Variants in PXT1 observed in about 807,000 individuals in gnomAD.
PXT1 encodes peroxisomal testis enriched protein 1, also known as peroxisomal testis-specific protein 1.
Under a neutral mutation model 11.0 loss-of-function variants are expected in PXT1, and 11 were observed. The ratio of observed to expected loss-of-function variants is 1.00; its 90% CI spans 0.63 to 1.66. The LOEUF (loss-of-function observed/expected upper bound fraction) is 1.66. Ranked by LOEUF, PXT1 falls within the 40% of genes most tolerant of loss-of-function variation. PXT1 has a pLI of 0.00. For synonymous variants in PXT1, 43 were observed against 51.4 expected, an observed-to-expected ratio of 0.84 and a Z score of 0.70; for missense variants, 141 against 155.5, an observed-to-expected ratio of 0.91 and a Z score of 0.49.
At chr6:36,404,112 T>G (rs1774253900) in intron 3 of PXT1, among the ~76,000 whole-genome samples, 1 of 152,114 alleles carries the variant, frequency 6.6e-6, no homozygotes, top group Non-Finnish European at 1.5e-5. Flanking sequence ...CAGAAATGAC[T>G]GAGAAGAAAT....
intron 2 of PXT1, among the ~76,000 whole-genome samples, chr6:36,438,000 A>G (rs571759883): frequency 6.6e-6 from 1 of 151,088 alleles, no homozygotes; most frequent in South Asian, 2.1e-4. Flanking sequence ...TTGTATTTTT[A>G]GTAGAGACGG....
At chr6:36,426,788 AG>A (rs1037061012) in intron 2 of PXT1, among the ~76,000 whole-genome samples, 3 of 151,798 alleles carry the variant, frequency 2.0e-5, no homozygotes, top group Non-Finnish European at 4.4e-5. Context: ...AGAGGCGGAG[AG>A]GGGTGGAGAT....
At chr6:36,422,059 AAAC>A (rs549160546) in intron 3 of PXT1, among the ~76,000 whole-genome samples, 111 of 152,344 alleles carry the variant, frequency 7.3e-4, no homozygotes, top group Middle Eastern at 3.4e-3. Flanking sequence ...TTCTTATACA[AAAC>A]AACAGAGATA....
At chr6:36,434,728 T>A (rs1247269058) in intron 2 of PXT1, among the ~76,000 whole-genome samples, 3 of 152,314 alleles carry the variant, frequency 2.0e-5, no homozygotes, top group East Asian at 3.9e-4. Flanking sequence ...CTTAAGTACT[T>A]GAGAAGGTTT....
chr6:36,424,513 G>A (rs1323574272), intron 3 of PXT1, among the ~76,000 whole-genome samples: 5 of 151,994 alleles, frequency 3.3e-5, no homozygotes, highest in East Asian at 1.9e-4. Context: ...GGTGGCGGGC[G>A]CCTGTAGTCC....
At position 36,399,221 on chromosome 6, in the gene PXT1, C is replaced by T. The variant is rs373839617; in HGVS notation, c.300+1233G>A. Among the ~76,000 whole-genome samples, 14 of 152,200 alleles carry T rather than the reference C, an allele frequency of 9.2e-5. No individual in the cohort carries two copies. In the South Asian group the frequency reaches 2.5e-3, roughly 27 times the overall value. ...AGTACAGTGGCATAATCTCAGCTCA[C>T]TGCAACCTCTGCCTCCCAGGTTTAA... On this transcript the variant is annotated intron_variant, in intron 4 of 4. Transcript: ENST00000454782.
intron 1 of PXT1, among the ~76,000 whole-genome samples, chr6:36,439,438 C>A (rs1774822795): frequency 6.6e-6 from 1 of 150,658 alleles, no homozygotes. Context: ...CTGGTGAAAC[C>A]CCATCTCTAC....
intron 4 of PXT1, 24 bp downstream of exon 4, chr6:36,400,430 T>TG (rs1257944513): frequency 1.2e-6 from 2 of 1,611,684 alleles, no homozygotes; most frequent in South Asian, 2.2e-5. Context: ...TGACAGGCCC[T>TG]GGCTGGGGAA....
chr6:36,440,991 G>A (rs1324226900), intron 1 of PXT1, among the ~76,000 whole-genome samples: 3 of 152,096 alleles, frequency 2.0e-5, no homozygotes, highest in Admixed American at 6.5e-5. Context: ...TCTGCAGCCA[G>A]TGCAGTGGCT....
In PXT1 at chr6:36,393,905, G is replaced by C. The variant is rs2057351; in HGVS notation, c.301-2031C>G. Among the ~76,000 whole-genome samples, 25 of 151,592 alleles carry C rather than the reference G, an allele frequency of 1.6e-4. 1 individual carries two copies. In the South Asian group the frequency reaches 4.8e-3, roughly 29 times the overall value. Reference sequence around the variant, plus strand: ...ACTGTTTGTCTCCCTTAAAAACTCCGTGAGATCAGTAATATTGTCTCTTTG... The same window carrying C: ...ACTGTTTGTCTCCCTTAAAAACTCCCTGAGATCAGTAATATTGTCTCTTTG... On this transcript the variant is annotated intron_variant, in intron 4 of 4. Coordinates refer to ENST00000454782, the MANE Select transcript of PXT1 (RefSeq NM_152990.4).
intron 2 of PXT1, among the ~76,000 whole-genome samples, chr6:36,432,343 C>T (rs1036363875): frequency 2.6e-5 from 4 of 152,086 alleles, no homozygotes; most frequent in Non-Finnish European, 5.9e-5. Context: ...ACAGAACTTT[C>T]AATTCAAAAT....
intron 2 of PXT1, among the ~76,000 whole-genome samples, chr6:36,426,684 G>C (rs1774613107): frequency 6.6e-6 from 1 of 152,082 alleles, no homozygotes; most frequent in Non-Finnish European, 1.5e-5. Context: ...CTCTTTTCAA[G>C]AGCCACATTC....
intron 3 of PXT1, among the ~76,000 whole-genome samples, chr6:36,417,511 T>C (rs560942156): frequency 6.7e-6 from 1 of 148,406 alleles, no homozygotes; most frequent in East Asian, 2.0e-4. Flanking sequence ...TCCCAGCACT[T>C]CGAGAGGCAG....
At chr6:36,413,334 G>A (rs536660470) in intron 3 of PXT1, among the ~76,000 whole-genome samples, 14 of 151,842 alleles carry the variant, frequency 9.2e-5, no homozygotes, top group Non-Finnish European at 1.5e-4. Context: ...GGAGAATGGC[G>A]TGAACCCAGG....
At position 36,418,026 on chromosome 6, in the gene PXT1, C is replaced by T. The variant is rs529176303; in HGVS notation, c.169+7888G>A. On this transcript the variant is annotated intron_variant, in intron 3 of 4. Transcript: ENST00000454782. ...CCTGGCTAACATGGTAAAACCCCGTCTCTACTAAAAATATAAAAAATTAGC... is the reference window on the plus strand; with the variant it reads ...CCTGGCTAACATGGTAAAACCCCGTTTCTACTAAAAATATAAAAAATTAGC... Among the ~76,000 whole-genome samples the T allele has an allele frequency of 6.0e-4, 90 of 149,982 alleles. 2 individuals are homozygous for T. In the South Asian group the frequency reaches 0.015, roughly 24 times the overall value.
intron 3 of PXT1, among the ~76,000 whole-genome samples, chr6:36,408,863 A>G (rs1226327966): frequency 6.6e-6 from 1 of 151,724 alleles, no homozygotes; most frequent in African/African-American, 2.4e-5. Context: ...CCTGGGTGAC[A>G]AAGACCATGT....
intron 1 of PXT1, among the ~76,000 whole-genome samples, chr6:36,440,317 T>C (rs1182616036): frequency 6.6e-6 from 1 of 152,220 alleles, no homozygotes; most frequent in Non-Finnish European, 1.5e-5. Flanking sequence ...GCGCCTGTAA[T>C]CCCAGCACTT....
At chr6:36,399,095 C>T (rs888884909) in intron 4 of PXT1, among the ~76,000 whole-genome samples, 1 of 151,384 alleles carries the variant, frequency 6.6e-6, no homozygotes, top group African/African-American at 2.4e-5. Context: ...TGTTTATTTT[C>T]TCTTTATTTC....
At chr6:36,436,389 T>C (rs991733253) in intron 2 of PXT1, among the ~76,000 whole-genome samples, 1 of 152,080 alleles carries the variant, frequency 6.6e-6, no homozygotes, top group African/African-American at 2.4e-5. Flanking sequence ...GCACTGGAGA[T>C]GGAAAGGAGA....
Sources: allele counts gnomAD v4.1 joint callset (sites outside exome capture counted in the v4.1 genomes callset), GRCh38; gene constraint gnomAD v4.1.1; transcripts MANE v1.5; gene names NCBI Gene and HGNC (gene_info 2026-07-23, HGNC 2026-07-21).